The following ARHGEF10L variants were observed in gnomAD, a reference collection of about 807,000 sequenced individuals.
The protein encoded by ARHGEF10L is Rho guanine nucleotide exchange factor 10 like.
In ARHGEF10L, 69 loss-of-function variants were observed where a neutral mutation model predicts 141.2. That is an observed-to-expected ratio of 0.49 (90% CI 0.40 to 0.60). ARHGEF10L has a LOEUF of 0.60. ARHGEF10L is among the 20% of genes least tolerant of loss of function. The probability of loss-of-function intolerance (pLI) is 0.00; values close to 1 mark genes in which losing one functional copy is unlikely to be tolerated. For missense variants in ARHGEF10L, 1,482 were observed against 1,734.3 expected, an observed-to-expected ratio of 0.85 and a Z score of 2.58; for synonymous variants, 711 against 718.5, an observed-to-expected ratio of 0.99 and a Z score of 0.17.
At chr1:17,665,767 T>G (rs1373143784) in intron 26 of ARHGEF10L, among the ~76,000 whole-genome samples, 1 of 152,168 alleles carries the variant, frequency 6.6e-6, no homozygotes, top group East Asian at 1.9e-4. Context: ...CGCAAGTATA[T>G]GTATACACAC....
Position 17,602,276 on chromosome 1 carries a change from G to T in ARHGEF10L, c.349+58G>T, listed in dbSNP as rs543687796. The T allele has an allele frequency of 3.3e-6, 5 of 1,529,876 alleles. No individual in the cohort carries two copies. The Admixed American group carries it at 7.9e-5, about 24-fold the overall frequency. 94.8% of individuals were successfully genotyped at this position (1,529,876 alleles called of 1,614,324 possible). On this transcript the variant is annotated intron_variant, in intron 5 of 28. Coordinates refer to ENST00000361221, the MANE Select transcript of ARHGEF10L (RefSeq NM_018125.4). Reference sequence around the variant, plus strand: ...AGGTAGCAAGCTCCAGGATATTCTAGTCTTTCTAACCCAAGAGAGCTGATG... The same window carrying T: ...AGGTAGCAAGCTCCAGGATATTCTATTCTTTCTAACCCAAGAGAGCTGATG...
intron 7 of ARHGEF10L, among the ~76,000 whole-genome samples, chr1:17,610,377 T>G (rs1482875472): frequency 6.6e-6 from 1 of 152,202 alleles, no homozygotes; most frequent in Non-Finnish European, 1.5e-5. Flanking sequence ...CCTCACACTC[T>G]CAGGCTGGGG....
chr1:17,601,068 A>C (rs934605681), intron 4 of ARHGEF10L, among the ~76,000 whole-genome samples: 4 of 150,006 alleles, frequency 2.7e-5, no homozygotes, highest in South Asian at 2.1e-4. Context: ...AAAAAAAAAA[A>C]CAAAAAACAA....
At chr1:17,583,504 A>T (rs1335079231) in intron 2 of ARHGEF10L, among the ~76,000 whole-genome samples, 3 of 152,162 alleles carry the variant, frequency 2.0e-5, no homozygotes, top group African/African-American at 7.2e-5. Context: ...ATGTTCATTC[A>T]TTCCCTCCTC....
At chr1:17,513,734 T>A in the ARHGEF10L span, among the ~76,000 whole-genome samples, 1 of 152,192 alleles carries the variant, frequency 6.6e-6, no homozygotes, top group African/African-American at 2.4e-5. Context: ...GGGCTGACCT[T>A]GGGCAGAGGG....
At chr1:17,583,878 AT>A in intron 2 of ARHGEF10L, among the ~76,000 whole-genome samples, 1 of 151,792 alleles carries the variant, frequency 6.6e-6, no homozygotes. Context: ...TTGAGACAGG[AT>A]TTTGCTCTGT....
upstream of ARHGEF10L, among the ~76,000 whole-genome samples, chr1:17,537,876 A>G (rs1447378990): frequency 1.4e-5 from 2 of 145,964 alleles, no homozygotes; most frequent in Non-Finnish European, 1.5e-5. Context: ...AAAAAAAAAG[A>G]AAGAAAAGAA....
the ARHGEF10L span, among the ~76,000 whole-genome samples, chr1:17,527,827 C>T: frequency 6.6e-6 from 1 of 150,384 alleles, no homozygotes; most frequent in East Asian, 1.9e-4. Flanking sequence ...GGGTTATTGC[C>T]CTCTAGTGCT....
At chr1:17,529,638 G>A in the ARHGEF10L span, among the ~76,000 whole-genome samples, 1 of 152,158 alleles carries the variant, frequency 6.6e-6, no homozygotes, top group African/African-American at 2.4e-5. Context: ...GCTGTGAACT[G>A]CCTTTGCAGG....
At position 17,623,146 on chromosome 1, in the gene ARHGEF10L, G is replaced by A. The variant is rs1443329127; in HGVS notation, c.1171G>A (p.Glu391Lys). ...CCGCGTGGCTGAGTGGGATTCCACC[G>A]AGAAGATCGGGGACCTCTTCGTGGC... The part of the protein sequence containing the change: ...SSRVAEWDST[E>K]KIGDLFVASF... Residue 391 changes from glutamate (E) to lysine (K), a missense_variant, in exon 12 of 29, where the codon GAG (glutamate) becomes AAG (lysine). Glu to Lys is a moderately conservative substitution (Grantham distance 56). This residue lies in a region of ARHGEF10L where 392 missense variants were observed against 542.1 expected (regional missense o/e 0.72). Transcript: ENST00000361221. The surrounding 1 kb of genome is among the most constrained non-coding windows in gnomAD (Gnocchi z 4.7). 8 of 1,613,540 alleles carry A rather than the reference G, an allele frequency of 5.0e-6. No individual in the cohort carries two copies. Among genetic ancestry groups the A allele is most frequent in the Non-Finnish European group, 6.8e-6 (8 of 1,179,854 alleles).
intron 27 of ARHGEF10L, among the ~76,000 whole-genome samples, chr1:17,692,326 C>T (rs1382974573): frequency 6.6e-6 from 1 of 152,054 alleles, no homozygotes; most frequent in Non-Finnish European, 1.5e-5. Flanking sequence ...CATCATGTTG[C>T]CAGACTCGAA....
In ARHGEF10L at chr1:17,623,732, G is replaced by A. The variant is rs917204727; in HGVS notation, c.1200+557G>A. On this transcript the variant is annotated intron_variant, in intron 12 of 28. Transcript: ENST00000361221. This position sits in a 1 kb window ranked among gnomAD's most constrained non-coding sequence, Gnocchi z 4.7. ...TCTGGCTTTTCTAGCTGAAGTCTGC[G>A]GACCCCAGATGTTCATGGGGTGAGG... is the stretch of plus-strand genomic sequence containing the variant. Among the ~76,000 whole-genome samples the A allele has an allele frequency of 2.6e-5, 4 of 152,178 alleles. No homozygotes were observed. The highest frequency in any genetic ancestry group is 2.1e-4 in the South Asian group (1 of 4,826).
At chr1:17,688,273 G>A (rs1311701588) in intron 27 of ARHGEF10L, among the ~76,000 whole-genome samples, 1 of 152,226 alleles carries the variant, frequency 6.6e-6, no homozygotes, top group East Asian at 1.9e-4. Flanking sequence ...GCGTAGCTGT[G>A]TGTAGATGAA....
chr1:17,627,435 C>T lies in ARHGEF10L; in HGVS notation c.1516C>T (p.Leu506=), dbSNP rs767383640. Residue 506 remains leucine (L), a synonymous_variant, in exon 15 of 29, where the codon CTG becomes TTG. Transcript: ENST00000361221. The surrounding 1 kb of genome is among the most constrained non-coding windows in gnomAD (Gnocchi z 4.0). The part of the protein sequence containing the change: ...LAEKLNEQKR[L]ADQVAEIQQL... ...TGAGAAGCTGAACGAGCAGAAGCGG[C>T]TGGCTGACCAGGTGGCTGAGATCCA... The T allele has an allele frequency of 1.2e-6, 2 of 1,613,678 alleles. No homozygotes were observed. The highest frequency in any genetic ancestry group is 1.3e-5 in the African/African-American group (1 of 75,062).
chr1:17,535,487 G>A (rs971436394), upstream of ARHGEF10L, among the ~76,000 whole-genome samples: 6 of 152,186 alleles, frequency 3.9e-5, no homozygotes, highest in Non-Finnish European at 7.3e-5. Flanking sequence ...AGGCAGCGGC[G>A]GGGGCCCTGG....
intron 22 of ARHGEF10L, among the ~76,000 whole-genome samples, chr1:17,650,623 C>T (rs139506620): frequency 0.012 from 1,755 of 151,246 alleles, 13 homozygotes; most frequent in Non-Finnish European, 0.018. Flanking sequence ...GTCCTAGCTA[C>T]TGGAGAGGCT....
chr1:17,617,446 A>G (rs2059870454), intron 9 of ARHGEF10L, among the ~76,000 whole-genome samples: 1 of 152,148 alleles, frequency 6.6e-6, no homozygotes, highest in Non-Finnish European at 1.5e-5. Context: ...CCCCTGATGT[A>G]TTCCCAGGCA....
chr1:17,601,075 A>AC (rs1557789251), intron 4 of ARHGEF10L, among the ~76,000 whole-genome samples: 6 of 151,256 alleles, frequency 4.0e-5, no homozygotes, highest in Non-Finnish European at 5.9e-5. Flanking sequence ...AAAACAAAAA[A>AC]CAAAAAACTC....
At chr1:17,684,480 T>C (rs2102461167) in intron 26 of ARHGEF10L, among the ~76,000 whole-genome samples, 1 of 152,174 alleles carries the variant, frequency 6.6e-6, no homozygotes, top group Admixed American at 6.5e-5. Context: ...AATCAGAGGC[T>C]CTGAGCCTCT....
Sources: gnomAD v4.1 joint callset for allele counts (sites outside exome capture counted in the v4.1 genomes callset) on GRCh38, gnomAD v4.1.1 for gene constraint, gnomAD v4.1.1 regional missense constraint, Gnocchi (gnomAD v3.1) non-coding constraint, MANE v1.5 for transcripts, NCBI Gene and HGNC (gene_info 2026-07-23, HGNC 2026-07-21) for gene names.